Variants in PRR12 observed in about 807,000 individuals in gnomAD.
PRR12 encodes the protein proline rich 12.
PRR12 carries 12 observed loss-of-function variants against 138.0 expected under a neutral mutation model. That is an observed-to-expected ratio of 0.09 (90% CI 0.06 to 0.14). The LOEUF (loss-of-function observed/expected upper bound fraction) is 0.14. Ranked by LOEUF, PRR12 falls within the 10% of genes least tolerant of loss-of-function variation. PRR12 has a pLI of 1.00. For missense variants in PRR12, 2,692 were observed against 2,861.3 expected, an observed-to-expected ratio of 0.94 and a Z score of 1.35; for synonymous variants, 1,567 against 1,291.7, an observed-to-expected ratio of 1.21 and a Z score of -4.57.
At chr19:49,605,496 A>G (rs2080833800) in intron 6 of PRR12, among the ~76,000 whole-genome samples, 1 of 151,590 alleles carries the variant, frequency 6.6e-6, no homozygotes, top group East Asian at 2.0e-4. Context: ...TCCTGACCTC[A>G]GGTGATCTGC....
At chr19:49,600,786 C>T (rs908547184) in intron 5 of PRR12, among the ~76,000 whole-genome samples, 2 of 152,024 alleles carry the variant, frequency 1.3e-5, no homozygotes, top group African/African-American at 4.8e-5. Flanking sequence ...ACTGCAACCT[C>T]TGCCTTCCGC....
At chr19:49,612,104 G>A (rs894698912) in intron 6 of PRR12, among the ~76,000 whole-genome samples, 2 of 151,556 alleles carry the variant, frequency 1.3e-5, no homozygotes, top group African/African-American at 2.4e-5. Flanking sequence ...GGTGGCATGT[G>A]CCTCTAGTCC....
rs746211851 is a variant in PRR12, at chr19:49,596,648, C to T, written c.2313C>T (p.Ala771=). 22 of 1,600,286 alleles carry T rather than the reference C, an allele frequency of 1.4e-5. No homozygotes were observed. In the South Asian group the frequency reaches 2.4e-4, roughly 18 times the overall value. ...QKSPPPPPPT[A]QSTQPTPHGL... ...GCCCTCCGCCCCCACCTCCCACGGC[C>T]CAGTCTACCCAGCCCACTCCCCATG... is the stretch of plus-strand genomic sequence containing the variant. Residue 771 remains alanine, a synonymous_variant, in exon 4 of 14, where the codon GCC becomes GCT. Transcript: ENST00000418929. This position sits in a 1 kb window ranked among gnomAD's most constrained non-coding sequence, Gnocchi z 5.6.
chr19:49,600,420 A>C (rs747912050), intron 5 of PRR12, among the ~76,000 whole-genome samples: 2 of 151,768 alleles, frequency 1.3e-5, no homozygotes, highest in Non-Finnish European at 2.9e-5. Flanking sequence ...GTAATGTCAG[A>C]AACAGAGGCA....
chr19:49,616,730 G>A lies in PRR12; in HGVS notation c.5497+511G>A, dbSNP rs1346946763. Among the ~76,000 whole-genome samples the A allele has an allele frequency of 1.3e-5, 2 of 152,112 alleles. No homozygotes were observed. The highest frequency in any genetic ancestry group is 2.9e-5 in the Non-Finnish European group (2 of 68,028). ...CCTTAGTGACCTCACCTGTAAAATG[G>A]GTTCATAATAGACGAAGCTCATAGG... On this transcript the variant is annotated intron_variant, in intron 9 of 13. Transcript: ENST00000418929. This position sits in a 1 kb window ranked among gnomAD's most constrained non-coding sequence, Gnocchi z 4.2.
chr19:49,622,390 G>T (rs1334865167), intron 11 of PRR12, among the ~76,000 whole-genome samples: 6 of 151,826 alleles, frequency 4.0e-5, no homozygotes, highest in Admixed American at 3.9e-4. Flanking sequence ...AGACCACCCT[G>T]GCTCTCTCAA....
chr19:49,613,320 G>A (rs1332453108), intron 6 of PRR12, among the ~76,000 whole-genome samples: 1 of 143,856 alleles, frequency 7.0e-6, no homozygotes, highest in African/African-American at 2.7e-5. Flanking sequence ...GGCTGACTGA[G>A]GCTCCATCTC....
At chr19:49,602,145 G>A (rs2122318666) in intron 6 of PRR12, among the ~76,000 whole-genome samples, 1 of 152,322 alleles carries the variant, frequency 6.6e-6, no homozygotes, top group South Asian at 2.1e-4. Context: ...ATAAGGTAAA[G>A]CGATTGTTAA....
intron 6 of PRR12, among the ~76,000 whole-genome samples, chr19:49,613,105 G>A (rs1292951744): frequency 6.6e-6 from 1 of 151,916 alleles, no homozygotes; most frequent in Non-Finnish European, 1.5e-5. Flanking sequence ...GGGAGGCCGA[G>A]GCAGGTGGAT....
In PRR12 at chr19:49,624,921, G is replaced by A; in HGVS notation, c.5799G>A (p.Leu1933=). 2 of 1,604,146 alleles carry A rather than the reference G, an allele frequency of 1.2e-6. No homozygotes were observed. The highest frequency in any genetic ancestry group is 1.7e-6 in the Non-Finnish European group (2 of 1,174,978). ...CTCCGGAAGAGGGGGCTGTGCGGCTGCGGCCTGCTGGGGAACCCTACAACC... is the reference window on the plus strand; with the variant it reads ...CTCCGGAAGAGGGGGCTGTGCGGCTACGGCCTGCTGGGGAACCCTACAACC... ...EGSPEEGAVR[L]RPAGEPYNRK... is the part of the protein sequence containing the mutation. The change falls in exon 12 of 14, where the codon CTG becomes CTA. Residue 1933 remains leucine, a synonymous_variant. Coordinates refer to ENST00000418929, the MANE Select transcript of PRR12 (RefSeq NM_020719.3).
Position 49,596,885 on chromosome 19 carries a change from C to A in PRR12, c.2550C>A (p.Leu850=). 1 of 1,558,902 alleles carries A rather than the reference C, an allele frequency of 6.4e-7. No individual in the cohort carries two copies. The highest frequency in any genetic ancestry group is 8.6e-7 in the Non-Finnish European group (1 of 1,159,328). The change falls in exon 4 of 14, where the codon CTC becomes CTA. Residue 850 remains leucine (L), a synonymous_variant. Transcript: ENST00000418929. The surrounding 1 kb of genome is among the most constrained non-coding windows in gnomAD (Gnocchi z 5.6). ...PPPPPPMPLQ[L]EAHLRSHGLE... ...CTCCACCACCCATGCCCCTGCAGCT[C>A]GAGGCCCACCTCCGCAGCCATGGCC... is the stretch of plus-strand genomic sequence containing the variant.
At chr19:49,623,407 C>T (rs772944974) in intron 11 of PRR12, among the ~76,000 whole-genome samples, 1 of 151,722 alleles carries the variant, frequency 6.6e-6, no homozygotes, top group African/African-American at 2.4e-5. Flanking sequence ...AGGTGGATCA[C>T]GAGGTCAGGA....
rs2080727535 is a variant in PRR12 at position 49,591,617 on chromosome 19, T to TCCCTCCCCCTCCCC, written c.-35_-22dup. 1.7e-5 allele frequency: 2 copies of TCCCTCCCCCTCCCC among 115,246 alleles called. No individual in the cohort carries two copies. The allele number at this position is 115,246 out of a possible 1,614,324, so 7.1% of individuals were successfully genotyped here. A position where few individuals can be genotyped will look rare whatever the true frequency, so the allele number is the denominator to read the frequency against. ...CGCGCGCGCCCCCTCCCTCCCTCCC[T>TCCCTCCCCCTCCCC]CCCTCCCCCTCCCCCCAATTTCCAC... On this transcript the variant is annotated 5_prime_UTR_variant, in exon 1 of 14. Coordinates refer to ENST00000418929, the MANE Select transcript of PRR12 (RefSeq NM_020719.3).
Position 49,615,981 on chromosome 19 carries a change from A to G in PRR12, c.5259A>G (p.Pro1753=), listed in dbSNP as rs1327932343. 1.3e-6 allele frequency: 2 copies of G among 1,552,646 alleles called. No homozygotes were observed. Among genetic ancestry groups the G allele is most frequent in the African/African-American group, 1.4e-5 (1 of 73,030 alleles). ...AGAAGGTGACACGTGGAGAGCGGCC[A>G]TTGCGGGGTGAGCGGGCCACCAGCG... ...EKEKVTRGER[P]LRGERATSGR... The change falls in exon 9 of 14, where the codon CCA becomes CCG. Residue 1753 remains proline, a synonymous_variant. Coordinates refer to ENST00000418929, the MANE Select transcript of PRR12 (RefSeq NM_020719.3).
intron 6 of PRR12, among the ~76,000 whole-genome samples, chr19:49,606,012 G>T (rs895411199): frequency 6.6e-6 from 1 of 151,894 alleles, no homozygotes; most frequent in Non-Finnish European, 1.5e-5. Context: ...TTTTGTGTGT[G>T]TTTTTGAGAC....
At chr19:49,593,182 C>T (rs971939232) in intron 1 of PRR12, 145 bp from the exon 2 acceptor site, 27 of 584,902 alleles carry the variant, frequency 4.6e-5, no homozygotes, top group Admixed American at 1.6e-4. Context: ...TTGTGTTCTC[C>T]CCTTTAGGGC....
In PRR12 at chr19:49,596,254, A is replaced by T. The variant is rs200291020; in HGVS notation, c.1919A>T (p.Glu640Val). 13 of 1,611,446 alleles carry T rather than the reference A, an allele frequency of 8.1e-6. No individual in the cohort carries two copies. Among genetic ancestry groups the T allele is most frequent in the Non-Finnish European group, 1.1e-5 (13 of 1,179,632 alleles). ...GPPAERTEDE[E>V]FLIQHLLQAP... ...CCTGCGGAGCGCACAGAGGATGAGG[A>T]GTTCCTTATCCAGCACCTCTTGCAG... is the stretch of plus-strand genomic sequence containing the variant. The change falls in exon 4 of 14, where the codon GAG (glutamate) becomes GTG (valine). Residue 640 changes from glutamate to valine, a missense_variant. Glu to Val is a moderately radical substitution (Grantham distance 121). Around this residue, in one of 11 missense-constraint regions of PRR12, gnomAD observed 840 missense variants for 689.8 expected, o/e 1.22. Transcript: ENST00000418929. This position sits in a 1 kb window ranked among gnomAD's most constrained non-coding sequence, Gnocchi z 5.6.
At position 49,601,604 on chromosome 19, in the gene PRR12, C is replaced by T. The variant is rs1160037296; in HGVS notation, c.4459C>T (p.Pro1487Ser). Residue 1487 changes from proline to serine, a missense_variant, in exon 6 of 14, where the codon CCG becomes TCG. This residue lies in a region of PRR12 where 231 missense variants were observed against 200.8 expected (regional missense o/e 1.15). Coordinates refer to ENST00000418929, the MANE Select transcript of PRR12 (RefSeq NM_020719.3). ...PPQPALPSPP[P>S]LVAPTPSSPP... ...ACAGCCAGCCCTGCCCTCGCCACCC[C>T]CGCTGGTGGCCCCCACGCCCAGCTC... The T allele has an allele frequency of 1.9e-6, 3 of 1,543,190 alleles. No homozygotes were observed. The highest frequency in any genetic ancestry group is 2.2e-4 in the Middle Eastern group (1 of 4,512).
Position 49,615,792 on chromosome 19 carries a change from T to C in PRR12, c.5070T>C (p.Ser1690=), listed in dbSNP as rs1323163570. The change falls in exon 9 of 14, where the codon TCT becomes TCC. Residue 1690 remains serine (S), a synonymous_variant. Transcript: ENST00000418929. ...ACCCCGTATCTGCTGGGGGTAGCTC[T>C]GCACCTCCCCCTAAGGCCCCAGCAC... The part of the protein sequence containing the change: ...AKNPVSAGGS[S]APPPKAPAPP... 4.3e-6 allele frequency: 7 copies of C among 1,613,020 alleles called. No homozygotes were observed. The highest frequency in any genetic ancestry group is 5.9e-6 in the Non-Finnish European group (7 of 1,179,526).
Sources: gnomAD v4.1 joint callset for allele counts (sites outside exome capture counted in the v4.1 genomes callset) on GRCh38, gnomAD v4.1.1 for gene constraint, gnomAD v4.1.1 regional missense constraint, Gnocchi (gnomAD v3.1) non-coding constraint, MANE v1.5 for transcripts, NCBI Gene and HGNC (gene_info 2026-07-23, HGNC 2026-07-21) for gene names.